The following GRK1 variants were observed in gnomAD, a reference collection of about 807,000 sequenced individuals.
The protein encoded by GRK1 is rhodopsin kinase GRK1.
Under a neutral mutation model 41.7 loss-of-function variants are expected in GRK1, and 28 were observed. The observed-to-expected ratio is 0.67, with a 90% confidence interval of 0.50 to 0.92. The LOEUF is 0.92. GRK1 is among the 40% of genes least tolerant of loss of function. GRK1 has a pLI of 0.00. For missense variants in GRK1, 703 were observed against 671.2 expected, an observed-to-expected ratio of 1.05 and a Z score of -0.52; for synonymous variants, 327 against 286.7, an observed-to-expected ratio of 1.14 and a Z score of -1.42.
upstream of GRK1, among the ~76,000 whole-genome samples, chr13:113,662,588 G>T (rs987724118): frequency 8.5e-5 from 13 of 152,200 alleles, no homozygotes; most frequent in Non-Finnish European, 7.3e-5. Flanking sequence ...GCTGTTAAGT[G>T]AGTTTAGCAA....
upstream of GRK1, among the ~76,000 whole-genome samples, chr13:113,664,012 C>T (rs1259822060): frequency 2.6e-5 from 4 of 152,180 alleles, no homozygotes; most frequent in African/African-American, 7.2e-5. This position sits in a 1 kb window ranked among gnomAD's most constrained non-coding sequence, Gnocchi z 5.4. Flanking sequence ...ACACTGGAAA[C>T]GATCCAGCCG....
At position 113,737,688 on chromosome 13, in the gene GRK1, C is replaced by T. The variant is rs955021630; in HGVS notation, c.*2325C>T. On this transcript the variant is annotated 3_prime_UTR_variant, in exon 7 of 7. Transcript: ENST00000335678. ...TTGCCTCATGCACCTGCAGACTGTT[C>T]TTGGGAAGCAAACCTGGACTGCAAA... is the stretch of plus-strand genomic sequence containing the variant. The T allele has an allele frequency of 1.3e-5, 2 of 153,232 alleles. No homozygotes were observed. The highest frequency in any genetic ancestry group is 4.8e-5 in the African/African-American group (2 of 41,482). 9.5% of individuals were successfully genotyped at this position (153,232 alleles called of 1,614,324 possible).
At chr13:113,668,208 G>A (rs1811554367) in intron 1 of GRK1, 123 bp downstream of exon 1, 1 of 1,059,704 alleles carries the variant, frequency 9.4e-7, no homozygotes, top group Non-Finnish European at 1.3e-6. Context: ...GCCTAAGGGA[G>A]CATGCATGCC....
chr13:113,727,901 G>A (rs2049901399), intron 4 of GRK1, among the ~76,000 whole-genome samples: 1 of 80,534 alleles, frequency 1.2e-5, no homozygotes, highest in Non-Finnish European at 2.7e-5. Context: ...AGTACCCATG[G>A]CAATGAGGAG....
chr13:113,653,889 G>T, the GRK1 span, among the ~76,000 whole-genome samples: 7 of 152,326 alleles, frequency 4.6e-5, no homozygotes, highest in South Asian at 2.1e-4. Flanking sequence ...CAGAGCCGTC[G>T]ACTTTCCCGA....
Position 113,736,302 on chromosome 13 carries a change from G to A in GRK1, c.*939G>A, listed in dbSNP as rs923224048. 36 of 152,268 alleles carry A rather than the reference G, an allele frequency of 2.4e-4. No individual in the cohort carries two copies. The highest frequency in any genetic ancestry group is 8.4e-4 in the African/African-American group (35 of 41,450). 9.4% of individuals were successfully genotyped at this position (152,268 alleles called of 1,614,324 possible). On this transcript the variant is annotated 3_prime_UTR_variant, in exon 7 of 7. Coordinates refer to ENST00000335678, the MANE Select transcript of GRK1 (RefSeq NM_002929.3). Reference sequence around the variant, plus strand: ...CTCCCAGGGGACACTTCAGGCCACGGGCCTTGTGCATAGGGACAGAGCTCC... The same window carrying A: ...CTCCCAGGGGACACTTCAGGCCACGAGCCTTGTGCATAGGGACAGAGCTCC...
At chr13:113,729,641 C>T (rs568617855) in intron 4 of GRK1, among the ~76,000 whole-genome samples, 3 of 152,306 alleles carry the variant, frequency 2.0e-5, no homozygotes, top group South Asian at 2.1e-4. Flanking sequence ...GCCTGGTGTC[C>T]GTGCAAAGGT....
rs1056643179 is a variant in GRK1 at position 113,671,968 on chromosome 13, C to T, written c.985+312C>T. Among the ~76,000 whole-genome samples, 1,045 of 151,858 alleles carry T rather than the reference C, an allele frequency of 6.9e-3. 13 individuals carry two copies. Among genetic ancestry groups the T allele is most frequent in the African/African-American group, 0.023 (972 of 41,398 alleles). On this transcript the variant is annotated intron_variant, in intron 3 of 6. Transcript: ENST00000335678. The surrounding 1 kb of genome is among the most constrained non-coding windows in gnomAD (Gnocchi z 4.1). ...AAATAAACACGAGGGTTTAGGCTCC[C>T]GACAGCGGCAGGTCAGGCAAGTGCG...
At chr13:113,667,094 G>A (rs2049823110), upstream of GRK1, 1 of 318,748 alleles carries the variant, frequency 3.1e-6, no homozygotes, top group Non-Finnish European at 5.8e-6. This position sits in a 1 kb window ranked among gnomAD's most constrained non-coding sequence, Gnocchi z 7.5. Context: ...TGATCTAATC[G>A]GATTCCAAGC....
At chr13:113,653,047 G>C in the GRK1 span, 1 of 1,612,488 alleles carries the variant, frequency 6.2e-7, no homozygotes, top group Non-Finnish European at 8.5e-7. Context: ...AGTTGATGCT[G>C]TCCTCCTGGG....
the GRK1 span, chr13:113,654,847 T>C: frequency 2.5e-6 from 4 of 1,613,778 alleles, no homozygotes; most frequent in African/African-American, 1.3e-5. Context: ...TAGTCCGGTG[T>C]GTACGGGTCC....
the GRK1 span, chr13:113,650,401 C>A: frequency 2.5e-6 from 4 of 1,613,430 alleles, no homozygotes; most frequent in Non-Finnish European, 3.4e-6. The surrounding 1 kb of genome is among the most constrained non-coding windows in gnomAD (Gnocchi z 5.0). Context: ...AAGGAAGGAA[C>A]CTACCTGGGC....
chr13:113,649,572 A>T, the GRK1 span: 1 of 1,455,458 alleles, frequency 6.9e-7, no homozygotes, highest in Non-Finnish European at 9.1e-7. This position sits in a 1 kb window ranked among gnomAD's most constrained non-coding sequence, Gnocchi z 4.7. Flanking sequence ...GTGTTTCAAA[A>T]ATCTCTGAAG....
chr13:113,733,869 GCGTGTGTGCATA>G (rs1287310532), intron 6 of GRK1, among the ~76,000 whole-genome samples: 36 of 130,756 alleles, frequency 2.8e-4, no homozygotes, highest in African/African-American at 1.2e-3. Context: ...ATACGTGTGT[GCGTGTGTGCATA>G]CGTGTGTGCG....
chr13:113,652,067 C>G, the GRK1 span, among the ~76,000 whole-genome samples: 2 of 152,202 alleles, frequency 1.3e-5, no homozygotes, highest in African/African-American at 4.8e-5. Context: ...GAGCACGGGC[C>G]GGCCTGCCTC....
chr13:113,726,997 C>T (rs1184619235), intron 4 of GRK1, among the ~76,000 whole-genome samples: 1 of 152,246 alleles, frequency 6.6e-6, no homozygotes, highest in Non-Finnish European at 1.5e-5. Context: ...CCCAGCAGCC[C>T]CCATGCCCCA....
the GRK1 span, chr13:113,653,128 C>T: frequency 6.4e-7 from 1 of 1,558,942 alleles, no homozygotes. Flanking sequence ...CGCCTGGCTG[C>T]CCCCCGGGAA....
rs1437652921 is a variant in GRK1, at chr13:113,669,715, T to G, written c.728T>G (p.Met243Arg). 1 of 1,613,944 alleles carries G rather than the reference T, an allele frequency of 6.2e-7. No homozygotes were observed. Among genetic ancestry groups the G allele is most frequent in the East Asian group, 2.2e-5 (1 of 44,876 alleles). The change falls in exon 2 of 7, where the codon ATG becomes AGG. Residue 243 changes from methionine to arginine, a missense_variant. Met to Arg is a moderately conservative substitution (Grantham distance 91, BLOSUM62 -1). Coordinates refer to ENST00000335678, the MANE Select transcript of GRK1 (RefSeq NM_002929.3). ...GCTATGGTGGAGAAGAAGATTCTGA[T>G]GAAAGTACACAGCAGGTTCATCGTG... is the stretch of plus-strand genomic sequence containing the variant. Reference protein sequence around the residue: ...QGAMVEKKILMKVHSRFIVSL... With the variant: ...QGAMVEKKILRKVHSRFIVSL...
At chr13:113,730,928 G>A (rs1015146529) in intron 4 of GRK1, among the ~76,000 whole-genome samples, 1 of 152,250 alleles carries the variant, frequency 6.6e-6, no homozygotes, top group Non-Finnish European at 1.5e-5. Context: ...CAGTCAACAA[G>A]TCCCGCCCTG....
Sources: gnomAD v4.1 joint callset for allele counts (sites outside exome capture counted in the v4.1 genomes callset) on GRCh38, gnomAD v4.1.1 for gene constraint, Gnocchi (gnomAD v3.1) non-coding constraint, MANE v1.5 for transcripts, NCBI Gene and HGNC (gene_info 2026-07-23, HGNC 2026-07-21) for gene names.